The following NALF1 variants were observed in gnomAD, a reference collection of about 807,000 sequenced individuals.
The protein encoded by NALF1 is family with sequence similarity 155 member A.
NALF1 carries 3 observed loss-of-function variants against 48.4 expected under a neutral mutation model. The observed-to-expected ratio is 0.06, with a 90% CI of 0.03 to 0.16. The LOEUF (loss-of-function observed/expected upper bound fraction) is 0.16. Among genes scored for constraint, NALF1 ranks in the 10% least tolerant of loss-of-function variants. The pLI, the probability that NALF1 is intolerant of heterozygous loss-of-function variation, is 1.00. For missense variants in NALF1, 526 were observed against 571.5 expected (o/e 0.92, Z 0.81); for synonymous variants, 262 against 245.7 (o/e 1.07, Z -0.62).
chr13:107,834,818 T>G (rs1164303452), intron 1 of NALF1, among the ~76,000 whole-genome samples: 1 of 152,248 alleles, frequency 6.6e-6, no homozygotes, highest in Non-Finnish European at 1.5e-5. Flanking sequence ...CTTTCCTAAC[T>G]GTGGGACGAT....
At chr13:107,411,925 G>A (rs1047212204) in intron 1 of NALF1, among the ~76,000 whole-genome samples, 4 of 152,136 alleles carry the variant, frequency 2.6e-5, no homozygotes, top group Non-Finnish European at 4.4e-5. Flanking sequence ...AAGATGGGAG[G>A]TGGCAGCAAG....
intron 1 of NALF1, among the ~76,000 whole-genome samples, chr13:107,572,600 T>C (rs1878021584): frequency 6.6e-6 from 1 of 152,176 alleles, no homozygotes; most frequent in South Asian, 2.1e-4. Flanking sequence ...GGAGAACTCG[T>C]CACATTGCAA....
At chr13:107,495,613 G>T (rs974387129) in intron 1 of NALF1, among the ~76,000 whole-genome samples, 2 of 152,132 alleles carry the variant, frequency 1.3e-5, no homozygotes, top group Non-Finnish European at 2.9e-5. Context: ...ATTTCCAGTG[G>T]TGTTGAGGTT....
At chr13:107,264,382 G>A (rs1594095398) in intron 1 of NALF1, among the ~76,000 whole-genome samples, 1 of 152,292 alleles carries the variant, frequency 6.6e-6, no homozygotes, top group South Asian at 2.1e-4. Context: ...AGCATATGAG[G>A]TGAGGGAATA....
intron 1 of NALF1, among the ~76,000 whole-genome samples, chr13:107,685,027 C>G (rs1282967521): frequency 2.0e-5 from 3 of 152,140 alleles, no homozygotes; most frequent in Non-Finnish European, 4.4e-5. Flanking sequence ...TAGTTAAAAA[C>G]AAGAAGGCTG....
chr13:107,610,285 T>C (rs1282515761), intron 1 of NALF1, among the ~76,000 whole-genome samples: 2 of 152,184 alleles, frequency 1.3e-5, no homozygotes, highest in Non-Finnish European at 2.9e-5. Context: ...ATCACTCACA[T>C]TGTACGAGAA....
At chr13:107,705,021 C>T (rs1396994096) in intron 1 of NALF1, among the ~76,000 whole-genome samples, 3 of 152,152 alleles carry the variant, frequency 2.0e-5, no homozygotes, top group Non-Finnish European at 4.4e-5. Context: ...CTTGTCCACA[C>T]GATGTGCCAG....
chr13:107,665,388 C>G (rs1481220780), intron 1 of NALF1, among the ~76,000 whole-genome samples: 1 of 152,116 alleles, frequency 6.6e-6, no homozygotes, highest in African/African-American at 2.4e-5. Context: ...CATGATAGTT[C>G]TTACTCTTAG....
At chr13:107,575,978 ATATG>A (rs779118983) in intron 1 of NALF1, among the ~76,000 whole-genome samples, 24 of 123,806 alleles carry the variant, frequency 1.9e-4, no homozygotes, top group Non-Finnish European at 3.6e-4. Context: ...GTGTGTGTGC[ATATG>A]TGTGTGTGCA....
intron 1 of NALF1, among the ~76,000 whole-genome samples, chr13:107,682,121 AC>A (rs1211274976): frequency 6.6e-6 from 1 of 152,156 alleles, no homozygotes; most frequent in Non-Finnish European, 1.5e-5. Context: ...TCCTAACCAG[AC>A]CCTGCTTTCT....
At chr13:107,526,134 C>CT (rs1464741636) in intron 1 of NALF1, among the ~76,000 whole-genome samples, 3 of 152,012 alleles carry the variant, frequency 2.0e-5, no homozygotes, top group Admixed American at 1.3e-4. Context: ...TTTTAACTGT[C>CT]TTTTTTTACC....
intron 1 of NALF1, among the ~76,000 whole-genome samples, chr13:107,680,081 G>C (rs530078049): frequency 3.3e-5 from 5 of 152,240 alleles, no homozygotes; most frequent in African/African-American, 1.2e-4. Context: ...CTGCCTGAGT[G>C]CCCAGGTGCC....
intron 1 of NALF1, among the ~76,000 whole-genome samples, chr13:107,616,063 C>T (rs1594163107): frequency 6.6e-6 from 1 of 152,118 alleles, no homozygotes; most frequent in Non-Finnish European, 1.5e-5. Flanking sequence ...CAATAAATGA[C>T]ACCACCTCTC....
intron 1 of NALF1, among the ~76,000 whole-genome samples, chr13:107,796,956 C>T (rs1878444382): frequency 6.6e-6 from 1 of 152,100 alleles, no homozygotes; most frequent in South Asian, 2.1e-4. Context: ...TACCTTTATT[C>T]TCCACAAAAC....
At chr13:107,389,541 C>G (rs1480735823) in intron 1 of NALF1, among the ~76,000 whole-genome samples, 1 of 152,104 alleles carries the variant, frequency 6.6e-6, no homozygotes, top group African/African-American at 2.4e-5. Flanking sequence ...AATTTCTGGC[C>G]TCCAGAAATT....
chr13:107,327,630 A>C (rs566764736), intron 1 of NALF1, among the ~76,000 whole-genome samples: 1 of 146,644 alleles, frequency 6.8e-6, no homozygotes, highest in East Asian at 1.9e-4. Context: ...ACTTTTAAAA[A>C]ACTTTTTACT....
intron 1 of NALF1, among the ~76,000 whole-genome samples, chr13:107,442,029 C>G (rs1318581398): frequency 1.3e-5 from 2 of 152,052 alleles, no homozygotes; most frequent in Non-Finnish European, 2.9e-5. Context: ...TTTAAGAGAG[C>G]CAAAATAGGA....
chr13:107,429,986 G>A (rs1244141893), intron 1 of NALF1, among the ~76,000 whole-genome samples: 1 of 152,138 alleles, frequency 6.6e-6, no homozygotes, highest in Non-Finnish European at 1.5e-5. Context: ...CTATGAGACT[G>A]CTTAACTTTC....
intron 1 of NALF1, among the ~76,000 whole-genome samples, chr13:107,689,239 A>G (rs1176771746): frequency 6.6e-6 from 1 of 152,162 alleles, no homozygotes; most frequent in Non-Finnish European, 1.5e-5. Context: ...TCTGTCCTTC[A>G]TCTGTTCGCC....
Sources: gnomAD v4.1 joint callset for allele counts (sites outside exome capture counted in the v4.1 genomes callset) on GRCh38, gnomAD v4.1.1 for gene constraint, MANE v1.5 for transcripts, NCBI Gene and HGNC (gene_info 2026-07-23, HGNC 2026-07-21) for gene names.